EYS: variants seen among roughly 807,000 people sequenced by gnomAD.
EYS encodes the protein EGF-like photoreceptor maintenance factor.
Under a neutral mutation model 282.1 loss-of-function variants are expected in EYS, and 250 were observed. That is an observed-to-expected ratio of 0.89 (90% CI 0.80 to 0.98). The LOEUF (loss-of-function observed/expected upper bound fraction) is 0.98. Among genes scored for constraint, EYS ranks in the 50% least tolerant of loss-of-function variants. The pLI is 0.00. For missense variants in EYS, 4,016 were observed against 3,709.0 expected (o/e 1.08, Z -2.15); for synonymous variants, 1,355 against 1,282.9 (o/e 1.06, Z -1.20).
chr6:64,281,022 T>C (rs145412229), intron 30 of EYS, among the ~76,000 whole-genome samples: 2 of 152,268 alleles, frequency 1.3e-5, no homozygotes, highest in East Asian at 1.9e-4. Flanking sequence ...AATATTTTTA[T>C]TAACTTTTCC....
At chr6:65,200,918 G>A (rs2150245828) in intron 12 of EYS, among the ~76,000 whole-genome samples, 1 of 152,078 alleles carries the variant, frequency 6.6e-6, no homozygotes, top group Non-Finnish European at 1.5e-5. Flanking sequence ...CTGAAAATGA[G>A]AATAAAAATG....
chr6:65,603,670 GT>G (rs1194097716), intron 2 of EYS, among the ~76,000 whole-genome samples: 4 of 151,790 alleles, frequency 2.6e-5, no homozygotes, highest in East Asian at 3.9e-4. Context: ...TTTATTATCT[GT>G]TTTTTGTAAA....
At position 65,397,854 on chromosome 6, in the gene EYS, C is replaced by T. The variant is rs368403447; in HGVS notation, c.1184+4624G>A. On this transcript the variant is annotated intron_variant, in intron 7 of 42. Coordinates refer to ENST00000503581, the MANE Select transcript of EYS (RefSeq NM_001142800.2). Reference sequence around the variant, plus strand: ...TCATACTGTTTTCTATAGAGATGTACTAATTTATTTTTCTATCAACAGTGT... The same window carrying T: ...TCATACTGTTTTCTATAGAGATGTATTAATTTATTTTTCTATCAACAGTGT... 9.9e-5 allele frequency among the ~76,000 whole-genome samples: 15 copies of T among 151,996 alleles called. No homozygotes were observed. The East Asian group carries it at 2.7e-3, about 27-fold the overall frequency.
chr6:64,791,337 G>C (rs1334594869), intron 22 of EYS, among the ~76,000 whole-genome samples: 1 of 151,462 alleles, frequency 6.6e-6, no homozygotes, highest in Non-Finnish European at 1.5e-5. Context: ...ACATACATTA[G>C]GTGTTTGTTC....
intron 18 of EYS, among the ~76,000 whole-genome samples, chr6:64,894,167 A>G (rs866396676): frequency 5.3e-5 from 8 of 152,050 alleles, no homozygotes; most frequent in Non-Finnish European, 1.2e-4. Flanking sequence ...ATTAAGTTGC[A>G]TTGCATTTGT....
chr6:64,520,703 T>C (rs183329887), intron 26 of EYS, among the ~76,000 whole-genome samples: 1 of 151,682 alleles, frequency 6.6e-6, no homozygotes, highest in Non-Finnish European at 1.5e-5. Context: ...TACAACATTT[T>C]AAAATTTTTT....
At chr6:65,317,818 C>CAGACAGAG in intron 11 of EYS, among the ~76,000 whole-genome samples, 1 of 54,130 alleles carries the variant, frequency 1.8e-5, no homozygotes, top group African/African-American at 1.2e-4. Flanking sequence ...TCCTTCCTTC[C>CAGACAGAG]TTCCTTCCTT....
At position 65,436,072 on chromosome 6, in the gene EYS, A is replaced by T. The variant is rs939178023; in HGVS notation, c.863-30705T>A. ...AACAAATCAATATAACACTAAACAGAGCATTTTATTTTAAAATACATATAA... is the reference window on the plus strand; with the variant it reads ...AACAAATCAATATAACACTAAACAGTGCATTTTATTTTAAAATACATATAA... On this transcript the variant is annotated intron_variant, in intron 5 of 42. Transcript: ENST00000503581. Among the ~76,000 whole-genome samples the T allele has an allele frequency of 1.2e-4, 19 of 152,168 alleles. 1 individual carries two copies. The highest frequency in any genetic ancestry group is 4.6e-4 in the Admixed American group (7 of 15,274).
chr6:64,888,203 T>C (rs1047019223), intron 18 of EYS, among the ~76,000 whole-genome samples: 4 of 151,984 alleles, frequency 2.6e-5, no homozygotes, highest in African/African-American at 9.7e-5. Flanking sequence ...ATAAATTTGG[T>C]GTCCTATTGC....
intron 19 of EYS, among the ~76,000 whole-genome samples, chr6:64,853,277 A>C (rs1173032244): frequency 6.6e-6 from 1 of 152,188 alleles, no homozygotes; most frequent in Non-Finnish European, 1.5e-5. Flanking sequence ...ATGGTATACT[A>C]ATGACAGTAC....
chr6:64,743,808 T>C (rs1772455544), intron 22 of EYS, among the ~76,000 whole-genome samples: 1 of 152,104 alleles, frequency 6.6e-6, no homozygotes, highest in East Asian at 1.9e-4. Flanking sequence ...TAATTGATAA[T>C]CTTAACTTAA....
intron 12 of EYS, among the ~76,000 whole-genome samples, chr6:65,141,972 G>C (rs1764356921): frequency 6.6e-6 from 1 of 151,906 alleles, no homozygotes; most frequent in African/African-American, 2.4e-5. Flanking sequence ...AATGAACCTT[G>C]GAACCCCAAG....
At chr6:64,211,686 T>TAG (rs1765779414) in intron 31 of EYS, among the ~76,000 whole-genome samples, 1 of 141,788 alleles carries the variant, frequency 7.1e-6, no homozygotes, top group African/African-American at 2.6e-5. Flanking sequence ...TACATAATTA[T>TAG]ATATGAATTA....
intron 2 of EYS, among the ~76,000 whole-genome samples, chr6:65,512,005 A>G (rs111581821): frequency 0.11 from 15,758 of 140,478 alleles, 931 homozygotes; most frequent in South Asian, 0.18. Flanking sequence ...AAAAAAAAAA[A>G]AAAGAAATCA....
chr6:64,747,671 C>T (rs1772603518), intron 22 of EYS, among the ~76,000 whole-genome samples: 1 of 152,224 alleles, frequency 6.6e-6, no homozygotes, highest in Non-Finnish European at 1.5e-5. Flanking sequence ...AGCCACCATG[C>T]CCAGCCCTAG....
At chr6:64,003,673 T>A (rs570240556) in intron 33 of EYS, among the ~76,000 whole-genome samples, 12 of 152,238 alleles carry the variant, frequency 7.9e-5, no homozygotes, top group Non-Finnish European at 1.5e-4. Flanking sequence ...ATTCTCTGAA[T>A]GATATGGTTT....
At chr6:65,212,915 A>C (rs1766209843) in intron 12 of EYS, among the ~76,000 whole-genome samples, 1 of 152,104 alleles carries the variant, frequency 6.6e-6, no homozygotes, top group African/African-American at 2.4e-5. Context: ...TAATTAATTG[A>C]GATGCTTTCA....
intron 19 of EYS, among the ~76,000 whole-genome samples, chr6:64,886,273 A>G (rs1418631473): frequency 6.6e-6 from 1 of 151,782 alleles, no homozygotes; most frequent in African/African-American, 2.4e-5. Context: ...AGCTAATGCC[A>G]ATCTTCTTTT....
chr6:65,155,310 A>G (rs1764706198), intron 12 of EYS, among the ~76,000 whole-genome samples: 1 of 151,506 alleles, frequency 6.6e-6, no homozygotes, highest in South Asian at 2.1e-4. Flanking sequence ...ATTAGATGAA[A>G]AGAAGACAAA....
Sources: allele counts gnomAD v4.1 joint callset (sites outside exome capture counted in the v4.1 genomes callset), GRCh38; gene constraint gnomAD v4.1.1; transcripts MANE v1.5; gene names NCBI Gene and HGNC (gene_info 2026-07-23, HGNC 2026-07-21).